Variants in SPAST observed in about 807,000 individuals in gnomAD.
SPAST encodes spastic paraplegia 4 (autosomal dominant; spastin).
SPAST carries 30 observed loss-of-function variants against 76.6 expected under a neutral mutation model. The ratio of observed to expected loss-of-function variants is 0.39; its 90% CI spans 0.29 to 0.53. The LOEUF is 0.53. Among genes scored for constraint, SPAST ranks in the 20% least tolerant of loss-of-function variants. The pLI is 0.68. For synonymous variants in SPAST, 305 were observed against 281.0 expected (o/e 1.09, Z -0.86); for missense variants, 717 against 770.5 (o/e 0.93, Z 0.82).
At chr2:32,122,532 G>T (rs1679054799) in intron 7 of SPAST, among the ~76,000 whole-genome samples, 1 of 152,060 alleles carries the variant, frequency 6.6e-6, no homozygotes, top group Non-Finnish European at 1.5e-5. Flanking sequence ...ATGTTGACCA[G>T]TCTAGTCTCG....
At chr2:32,127,876 T>C (rs905043993) in intron 8 of SPAST, 4 of 152,968 alleles carry the variant, frequency 2.6e-5, no homozygotes, top group African/African-American at 4.8e-5. Flanking sequence ...TCATTCTCTC[T>C]CAGGAGGAGA....
At chr2:32,085,593 A>G (rs181032166) in intron 1 of SPAST, among the ~76,000 whole-genome samples, 11 of 152,240 alleles carry the variant, frequency 7.2e-5, no homozygotes, top group Admixed American at 7.2e-4. Context: ...AGTATATAAT[A>G]CTGATAATTC....
At position 32,156,826 on chromosome 2, in the gene SPAST, AG is replaced by A. The variant is rs1680270412; in HGVS notation, c.*2332del. 6.6e-6 allele frequency: 1 copy of A among 152,214 alleles called. No homozygotes were observed. Among genetic ancestry groups the A allele is most frequent in the Admixed American group, 6.5e-5 (1 of 15,276 alleles). The allele number at this position is 152,214 out of a possible 1,614,324, so 9.4% of individuals were successfully genotyped here. On this transcript the variant is annotated 3_prime_UTR_variant, in exon 17 of 17. Coordinates refer to ENST00000315285, the MANE Select transcript of SPAST (RefSeq NM_014946.4). ...TCAAATGTTAAAAGAGATAAAAGTC[AG>A]GTTAATACTATCTTAAACACTGAGT...
At chr2:32,087,625 CAT>C (rs749190872) in intron 2 of SPAST, 47 bp downstream of exon 2, 24 of 822,498 alleles carry the variant, frequency 2.9e-5, no homozygotes, top group Non-Finnish European at 4.4e-5. Flanking sequence ...GATATATTCA[CAT>C]GATTGTCCAG....
rs924382176 is a variant in SPAST, at chr2:32,084,579, T to C, written c.416-2913T>C. Among the ~76,000 whole-genome samples, 7 of 151,844 alleles carry C rather than the reference T, an allele frequency of 4.6e-5. No homozygotes were observed. In the East Asian group the frequency reaches 1.4e-3, roughly 29 times the overall value. The stretch of plus-strand genomic sequence containing the variant: ...TGAAAAACTGGAAACAACCTCAATA[T>C]CTTAATAATAGAAAAAATGGTTGAG... On this transcript the variant is annotated intron_variant, in intron 1 of 16. Coordinates refer to ENST00000315285, the MANE Select transcript of SPAST (RefSeq NM_014946.4).
chr2:32,127,833 ACTGT>A (rs1679244362), intron 8 of SPAST: 1 of 152,270 alleles, frequency 6.6e-6, no homozygotes, highest in African/African-American at 2.4e-5. Flanking sequence ...GGAGAATAAC[ACTGT>A]CTCTCTTTTT....
intron 16 of SPAST, among the ~76,000 whole-genome samples, chr2:32,149,408 C>T (rs752144195): frequency 5.9e-5 from 9 of 151,912 alleles, no homozygotes; most frequent in Non-Finnish European, 7.4e-5. Context: ...AATTTATTAC[C>T]GTTTCTTAAT....
Position 32,063,741 on chromosome 2 carries a change from G to A in SPAST, c.-91G>A. On this transcript the variant is annotated 5_prime_UTR_variant, in exon 1 of 17. Transcript: ENST00000315285. ...ACCGGCGGGCACACGGGGGTCTGTG[G>A]CCCCCGCCGTAGCAGTGGCTGCCGC... 4 of 1,488,846 alleles carry A rather than the reference G, an allele frequency of 2.7e-6. No individual in the cohort carries two copies. Among genetic ancestry groups the A allele is most frequent in the South Asian group, 1.3e-5 (1 of 78,334 alleles). The allele number at this position is 1,488,846 out of a possible 1,614,324, so 92.2% of individuals were successfully genotyped here.
At chr2:32,064,309 G>T in intron 1 of SPAST, 63 bp downstream of exon 1, 5 of 786,718 alleles carry the variant, frequency 6.4e-6, no homozygotes, top group African/African-American at 1.7e-5. Flanking sequence ...GTCGCCGGGG[G>T]AGGGCAACAC....
intron 4 of SPAST, among the ~76,000 whole-genome samples, chr2:32,109,141 C>T (rs1235139911): frequency 6.6e-6 from 1 of 151,660 alleles, no homozygotes; most frequent in Admixed American, 6.6e-5. Flanking sequence ...GACTGAGTTG[C>T]TCTGTTGCCC....
chr2:32,108,833 T>C (rs1331644468), intron 4 of SPAST, among the ~76,000 whole-genome samples: 1 of 145,362 alleles, frequency 6.9e-6, no homozygotes, highest in Non-Finnish European at 1.5e-5. Context: ...TGGCGCGATC[T>C]GGGCTCACTG....
At chr2:32,139,096 A>G (rs1056640717) in intron 12 of SPAST, among the ~76,000 whole-genome samples, 3 of 152,156 alleles carry the variant, frequency 2.0e-5, no homozygotes, top group African/African-American at 7.2e-5. Context: ...CGTGATACTT[A>G]CAGCTTTGTT....
rs746649987 is a variant in SPAST, at chr2:32,127,189, C to T, written c.1173+167C>T. On this transcript the variant is annotated intron_variant, in intron 8 of 16. Coordinates refer to ENST00000315285, the MANE Select transcript of SPAST (RefSeq NM_014946.4). The stretch of plus-strand genomic sequence containing the variant: ...TTTGTTTTGTTTTGAGTGATCTGGG[C>T]TCACCGCAACCTCCGCCTCCTGGGT... 1.1e-3 allele frequency: 667 copies of T among 632,226 alleles called. 8 individuals are homozygous for T. Among genetic ancestry groups the T allele is most frequent in the Middle Eastern group, 3.0e-3 (7 of 2,346 alleles). 39.2% of individuals were successfully genotyped at this position (632,226 alleles called of 1,614,324 possible). A position where few individuals can be genotyped will look rare whatever the true frequency, so the allele number is the denominator to read the frequency against.
intron 4 of SPAST, among the ~76,000 whole-genome samples, chr2:32,104,527 A>ATGCAGTT (rs1678245888): frequency 6.6e-6 from 1 of 152,096 alleles, no homozygotes; most frequent in African/African-American, 2.4e-5. Context: ...TCGTTAGTTG[A>ATGCAGTT]TGCAGTTTCT....
intron 16 of SPAST, among the ~76,000 whole-genome samples, chr2:32,153,922 C>T (rs1376404108): frequency 2.6e-5 from 4 of 151,990 alleles, no homozygotes; most frequent in African/African-American, 9.7e-5. Flanking sequence ...ACTAAAAATA[C>T]AAAAATTAGC....
chr2:32,066,523 C>T (rs1412317816), intron 1 of SPAST, among the ~76,000 whole-genome samples: 3 of 152,000 alleles, frequency 2.0e-5, no homozygotes, highest in Non-Finnish European at 4.4e-5. Context: ...CAAAAATTAG[C>T]TGGGCATGGT....
intron 4 of SPAST, among the ~76,000 whole-genome samples, chr2:32,106,372 T>G (rs927152560): frequency 2.0e-5 from 3 of 152,180 alleles, no homozygotes; most frequent in African/African-American, 7.2e-5. Context: ...CGGCTTCCCT[T>G]GGCTAGGAGA....
At chr2:32,123,400 G>C (rs936179237) in intron 7 of SPAST, among the ~76,000 whole-genome samples, 13 of 152,162 alleles carry the variant, frequency 8.5e-5, no homozygotes, top group Non-Finnish European at 1.8e-4. Flanking sequence ...AGTAAACTGA[G>C]AGATATTCCA....
intron 1 of SPAST, among the ~76,000 whole-genome samples, chr2:32,073,003 A>T (rs17011801): frequency 0.28 from 42,014 of 152,080 alleles, 6,229 homozygotes; most frequent in East Asian, 0.55. Flanking sequence ...TCTCAAGATT[A>T]TTTACTGGCA....
Sources: allele counts gnomAD v4.1 joint callset (sites outside exome capture counted in the v4.1 genomes callset), GRCh38; gene constraint gnomAD v4.1.1; transcripts MANE v1.5; gene names NCBI Gene and HGNC (gene_info 2026-07-23, HGNC 2026-07-21).